The following WDR4 variants were observed in gnomAD, a reference collection of about 807,000 sequenced individuals.
The protein encoded by WDR4 is WDR4 tRNA N7-guanosine methyltransferase non-catalytic subunit.
WDR4 carries 47 observed loss-of-function variants against 48.6 expected under a neutral mutation model. The observed-to-expected ratio is 0.97, with a 90% CI of 0.77 to 1.23. The LOEUF (loss-of-function observed/expected upper bound fraction) is 1.23, where lower values mean the gene tolerates loss of function less well. Ranked by LOEUF, WDR4 falls within the 50% of genes most tolerant of loss-of-function variation. WDR4 has a pLI of 0.00. For missense variants in WDR4, 606 were observed against 551.6 expected (o/e 1.10, Z -0.99); for synonymous variants, 268 against 230.0 (o/e 1.17, Z -1.49).
chr21:42,879,214 G>C lies in WDR4; in HGVS notation c.89+193C>G, dbSNP rs8127072. 787,887 of 1,311,874 alleles carry C rather than the reference G, an allele frequency of 0.6. 239,164 individuals carry two copies. The highest frequency in any genetic ancestry group is 0.72 in the African/African-American group (46,429 of 64,736). The allele number at this position is 1,311,874 out of a possible 1,614,324, so 81.3% of individuals were successfully genotyped here. A position where few individuals can be genotyped will look rare whatever the true frequency, so the allele number is the denominator to read the frequency against. On this transcript the variant is annotated intron_variant, in intron 1 of 10. Coordinates refer to ENST00000398208, the MANE Select transcript of WDR4 (RefSeq NM_018669.6). ...GGGGAGCGGACGCCGAGAGCGGACGGCGAAAGCGGACCCTCCAGGCGCAGA... is the reference window on the plus strand; with the variant it reads ...GGGGAGCGGACGCCGAGAGCGGACGCCGAAAGCGGACCCTCCAGGCGCAGA...
chr21:42,847,313 G>A (rs183925103), downstream of WDR4, among the ~76,000 whole-genome samples: 21 of 152,236 alleles, frequency 1.4e-4, no homozygotes, highest in East Asian at 3.7e-3. Context: ...AAATACACGC[G>A]GAGCTGGGTT....
intron 10 of WDR4, among the ~76,000 whole-genome samples, chr21:42,851,190 GGGCCATGAGCACTGCAGATGCCC>G (rs766365740): frequency 3.3e-4 from 51 of 152,338 alleles, no homozygotes; most frequent in Admixed American, 7.8e-4. Flanking sequence ...TAGAGCACGG[GGGCCATGAGCACTGCAGATGCCC>G]GGCCATGAGC....
In WDR4 at chr21:42,849,338, G is replaced by A. The variant is rs1050439315; in HGVS notation, c.*711C>T. Reference sequence around the variant, plus strand: ...CAACATCCCTGTGGCTCTGCAGTGTGTGCCAAGGTCAAATCAAATCATAAC... The same window carrying A: ...CAACATCCCTGTGGCTCTGCAGTGTATGCCAAGGTCAAATCAAATCATAAC... On this transcript the variant is annotated 3_prime_UTR_variant, in exon 11 of 11. Transcript: ENST00000398208. 2.6e-5 allele frequency: 4 copies of A among 152,320 alleles called. No individual in the cohort carries two copies. Among genetic ancestry groups the A allele is most frequent in the Non-Finnish European group, 4.4e-5 (3 of 68,096 alleles). 9.4% of individuals were successfully genotyped at this position (152,320 alleles called of 1,614,324 possible).
the WDR4 span, among the ~76,000 whole-genome samples, chr21:42,885,091 A>C: frequency 6.6e-6 from 1 of 152,136 alleles, no homozygotes; most frequent in African/African-American, 2.4e-5. Flanking sequence ...TTATGTTTCT[A>C]AATAGGTGTG....
chr21:42,886,060 G>A, the WDR4 span, among the ~76,000 whole-genome samples: 1 of 151,478 alleles, frequency 6.6e-6, no homozygotes, highest in Non-Finnish European at 1.5e-5. Context: ...GGGTTCAGGC[G>A]ATTCTCCTGT....
chr21:42,867,346 G>A (rs1037301943), intron 3 of WDR4, among the ~76,000 whole-genome samples: 1 of 149,836 alleles, frequency 6.7e-6, no homozygotes, highest in Non-Finnish European at 1.5e-5. Context: ...AGCCAAGACC[G>A]TGCCACTGCA....
At chr21:42,861,161 A>C (rs896300520) in intron 5 of WDR4, among the ~76,000 whole-genome samples, 1 of 151,958 alleles carries the variant, frequency 6.6e-6, no homozygotes, top group Non-Finnish European at 1.5e-5. Context: ...AATACAAAAA[A>C]AAATTAGCCG....
intron 3 of WDR4, among the ~76,000 whole-genome samples, chr21:42,869,187 A>G (rs2058314043): frequency 6.6e-6 from 1 of 152,190 alleles, no homozygotes. Context: ...TGTACTTCTC[A>G]GTGGTTTCCA....
At chr21:42,874,842 T>G (rs1203665399) in intron 2 of WDR4, among the ~76,000 whole-genome samples, 3 of 152,186 alleles carry the variant, frequency 2.0e-5, no homozygotes, top group Admixed American at 2.0e-4. Flanking sequence ...CCTGTGGTCC[T>G]GCGATCTCGC....
At chr21:42,845,053 C>A (rs1469477454), downstream of WDR4, among the ~76,000 whole-genome samples, 1 of 152,212 alleles carries the variant, frequency 6.6e-6, no homozygotes, top group East Asian at 1.9e-4. Flanking sequence ...GAAGGGTGCA[C>A]TGGGCACGGA....
chr21:42,864,015 G>A lies in WDR4; in HGVS notation c.297-419C>T, dbSNP rs758958004. Among the ~76,000 whole-genome samples the A allele has an allele frequency of 8.5e-5, 7 of 82,052 alleles. 3 individuals carry two copies. Among genetic ancestry groups the A allele is most frequent in the African/African-American group, 3.6e-4 (4 of 11,138 alleles). The allele number at this position is 82,052 out of a possible 152,430, so 53.8% of individuals were successfully genotyped here. A position where few individuals can be genotyped will look rare whatever the true frequency, so the allele number is the denominator to read the frequency against. On this transcript the variant is annotated intron_variant, in intron 3 of 10. Coordinates refer to ENST00000398208, the MANE Select transcript of WDR4 (RefSeq NM_018669.6). ...CCAGCTACTCGGGAGGCTGAGGCGGGAGAATGGCGTGAACCCGGGAGGCGG... is the reference window on the plus strand; with the variant it reads ...CCAGCTACTCGGGAGGCTGAGGCGGAAGAATGGCGTGAACCCGGGAGGCGG...
Position 42,859,709 on chromosome 21 carries a change from T to TAC in WDR4, c.578_579dup (p.Ile194ValfsTer21). ...CCGGGCTGAGTTGGCACCACGGAGA[T>TAC]ACGGCTCACAAACCTGTGAGGGCGA... On this transcript the variant is annotated frameshift_variant, in exon 6 of 11. Coordinates refer to ENST00000398208, the MANE Select transcript of WDR4 (RefSeq NM_018669.6). LOFTEE classifies it high-confidence loss of function. The TAC allele has an allele frequency of 6.4e-7, 1 of 1,560,302 alleles. No individual in the cohort carries two copies. Among genetic ancestry groups the TAC allele is most frequent in the Non-Finnish European group, 8.7e-7 (1 of 1,152,634 alleles).
At chr21:42,874,992 G>A (rs1437420181) in intron 2 of WDR4, among the ~76,000 whole-genome samples, 1 of 151,966 alleles carries the variant, frequency 6.6e-6, no homozygotes, top group Non-Finnish European at 1.5e-5. Flanking sequence ...GAGGCATCAC[G>A]GAACCTACCG....
chr21:42,870,650 G>A (rs776076311), intron 3 of WDR4, among the ~76,000 whole-genome samples: 5 of 152,122 alleles, frequency 3.3e-5, no homozygotes, highest in Non-Finnish European at 5.9e-5. Context: ...TTAGCCAGAC[G>A]TGGTGGCACA....
intron 9 of WDR4, among the ~76,000 whole-genome samples, chr21:42,852,642 G>A (rs1196727451): frequency 2.6e-5 from 4 of 152,216 alleles, no homozygotes; most frequent in East Asian, 1.9e-4. Context: ...CAGGTCAGGC[G>A]CAGTGGCTCA....
At chr21:42,858,664 T>C (rs532153266) in intron 6 of WDR4, among the ~76,000 whole-genome samples, 1 of 152,168 alleles carries the variant, frequency 6.6e-6, no homozygotes, top group African/African-American at 2.4e-5. Flanking sequence ...TTCCTCATAT[T>C]ATGAAAAAGA....
rs747366329 is a variant in WDR4 at position 42,859,694 on chromosome 21, T to C, written c.595A>G (p.Thr199Ala). ...GAGGACAGAAGCAGCCCGGGCTGAG[T>C]TGGCACCACGGAGATACGGCTCACA... ...EFVSRISVVP[T>A]QPGLLLSSSG... Residue 199 changes from threonine to alanine, a missense_variant, in exon 6 of 11, where the codon ACT becomes GCT. Physicochemically the swap from Thr to Ala is moderately conservative, Grantham distance 58. Coordinates refer to ENST00000398208, the MANE Select transcript of WDR4 (RefSeq NM_018669.6). The C allele has an allele frequency of 1.3e-5, 20 of 1,541,648 alleles. No homozygotes were observed. The highest frequency in any genetic ancestry group is 1.5e-5 in the Non-Finnish European group (17 of 1,142,994).
At chr21:42,856,399 T>G (rs1165646810) in intron 6 of WDR4, among the ~76,000 whole-genome samples, 2 of 152,186 alleles carry the variant, frequency 1.3e-5, no homozygotes, top group Non-Finnish European at 2.9e-5. Flanking sequence ...TTGTTATTTT[T>G]TTGTTGTTTA....
chr21:42,886,567 A>C, the WDR4 span, among the ~76,000 whole-genome samples: 2 of 152,182 alleles, frequency 1.3e-5, no homozygotes, highest in Non-Finnish European at 2.9e-5. Flanking sequence ...TTTGCTAGCA[A>C]ACACTGCCAG....
Sources: allele counts gnomAD v4.1 joint callset (sites outside exome capture counted in the v4.1 genomes callset), GRCh38; gene constraint gnomAD v4.1.1; transcripts MANE v1.5; gene names NCBI Gene and HGNC (gene_info 2026-07-23, HGNC 2026-07-21).